The following ADH1B variants were observed in gnomAD, a reference collection of about 807,000 sequenced individuals.
ADH1B encodes the protein alcohol dehydrogenase 1B (class I), beta polypeptide, also known as all-trans-retinol dehydrogenase [NAD(+)] ADH1B.
In ADH1B, 29 loss-of-function variants were observed where a neutral mutation model predicts 34.6. The observed-to-expected ratio is 0.84, with a 90% CI of 0.62 to 1.14. The LOEUF (loss-of-function observed/expected upper bound fraction) is 1.14. Among genes scored for constraint, ADH1B ranks in the 50% most tolerant of loss-of-function variants. The pLI is 0.00. For synonymous variants in ADH1B, 170 were observed against 175.5 expected (o/e 0.97, Z 0.25); for missense variants, 424 against 468.4 (o/e 0.91, Z 0.87).
rs1204142002 is a variant in ADH1B at position 99,306,752 on chromosome 4, A to C, written c.*1088T>G. 6.6e-6 allele frequency: 1 copy of C among 152,236 alleles called. No individual in the cohort carries two copies. Among genetic ancestry groups the C allele is most frequent in the Non-Finnish European group, 1.5e-5 (1 of 68,034 alleles). 9.4% of individuals were successfully genotyped at this position (152,236 alleles called of 1,614,324 possible). A position where few individuals can be genotyped will look rare whatever the true frequency, so the allele number is the denominator to read the frequency against. The stretch of plus-strand genomic sequence containing the variant: ...CTTTACATATTCAAAATATTAAACT[A>C]ATGCTAGGATTATAGACTTGATTTT... On this transcript the variant is annotated 3_prime_UTR_variant, in exon 9 of 9. Transcript: ENST00000305046.
chr4:99,318,671 C>G, intron 2 of ADH1B, 114 bp downstream of exon 2: 1 of 999,470 alleles, frequency 1.0e-6, no homozygotes, highest in Non-Finnish European at 1.4e-6. Context: ...GTAATTTTAT[C>G]TTCTGGGTGA....
chr4:99,306,725 G>T lies in ADH1B; in HGVS notation c.*1115C>A, dbSNP rs889776633. ...AAGCATTAACAAAGCATTAACACAG[G>T]TCTTTACATATTCAAAATATTAAAC... On this transcript the variant is annotated 3_prime_UTR_variant, in exon 9 of 9. Coordinates refer to ENST00000305046, the MANE Select transcript of ADH1B (RefSeq NM_000668.6). 4 of 152,178 alleles carry T rather than the reference G, an allele frequency of 2.6e-5. No individual in the cohort carries two copies. The highest frequency in any genetic ancestry group is 2.1e-4 in the South Asian group (1 of 4,824). The allele number at this position is 152,178 out of a possible 1,614,324, so 9.4% of individuals were successfully genotyped here.
chr4:99,312,285 C>T (rs1312143909), intron 6 of ADH1B, among the ~76,000 whole-genome samples: 1 of 152,188 alleles, frequency 6.6e-6, no homozygotes, highest in African/African-American at 2.4e-5. Flanking sequence ...CTGTCAGACA[C>T]TTGGTATCTT....
intron 5 of ADH1B, chr4:99,314,555 GAA>G (rs1189767009): frequency 1.2e-5 from 2 of 162,406 alleles, no homozygotes; most frequent in African/African-American, 2.4e-5. Context: ...AAAATAAGTG[GAA>G]AAGGCTACTC....
At chr4:99,312,041 C>T (rs746194075) in intron 6 of ADH1B, among the ~76,000 whole-genome samples, 8 of 152,174 alleles carry the variant, frequency 5.3e-5, no homozygotes, top group African/African-American at 9.7e-5. Context: ...ATTTCTCAAA[C>T]GGACATGTTT....
At chr4:99,311,736 G>T (rs1278425024) in intron 6 of ADH1B, 80 bp from the exon 7 acceptor site, 4 of 1,553,962 alleles carry the variant, frequency 2.6e-6, no homozygotes, top group East Asian at 2.2e-5. Flanking sequence ...CATGTAATAG[G>T]CTTAACTGGA....
chr4:99,315,728 A>T (rs1733864276), intron 5 of ADH1B, 170 bp downstream of exon 5: 9 of 761,658 alleles, frequency 1.2e-5, no homozygotes, highest in Non-Finnish European at 1.9e-5. Context: ...TCTGCAATAA[A>T]TTGGTGAAAT....
At position 99,313,809 on chromosome 4, in the gene ADH1B, C is replaced by G. The variant is rs770886223; in HGVS notation, c.828+12G>C. 1.2e-6 allele frequency: 2 copies of G among 1,613,942 alleles called. No individual in the cohort carries two copies. The highest frequency in any genetic ancestry group is 4.5e-5 in the East Asian group (2 of 44,898). ...CAGAGGCAGAAATCTCAGGGCATGTCATGGTACATACCATGGTGTCAAGCC... is the reference window on the plus strand; with the variant it reads ...CAGAGGCAGAAATCTCAGGGCATGTGATGGTACATACCATGGTGTCAAGCC... On this transcript the variant is annotated intron_variant, in intron 6 of 8. Transcript: ENST00000305046.
At chr4:99,312,519 G>A (rs1466694315) in intron 6 of ADH1B, among the ~76,000 whole-genome samples, 1 of 152,190 alleles carries the variant, frequency 6.6e-6, no homozygotes, top group Non-Finnish European at 1.5e-5. Flanking sequence ...ATGGAAACTT[G>A]TTGGTTTCTG....
intron 6 of ADH1B, among the ~76,000 whole-genome samples, chr4:99,313,140 C>T (rs1733792940): frequency 6.6e-6 from 1 of 151,880 alleles, no homozygotes; most frequent in African/African-American, 2.4e-5. Context: ...GATTCTCTTG[C>T]CTCAGCCTCC....
intron 1 of ADH1B, chr4:99,320,713 G>T (rs1734003267): frequency 1.2e-6 from 1 of 846,172 alleles, no homozygotes. Flanking sequence ...CTGTTCCATA[G>T]GATTTTTGTG....
intron 2 of ADH1B, 101 bp downstream of exon 2, chr4:99,318,684 A>G: frequency 9.3e-7 from 1 of 1,075,680 alleles, no homozygotes. Context: ...CTGGGTGATC[A>G]TATAAGATAT....
At position 99,318,159 on chromosome 4, in the gene ADH1B, G is replaced by T. The variant is rs1277217818; in HGVS notation, c.146C>A (p.Thr49Lys). The change falls in exon 3 of 9, where the codon ACA becomes AAA. Residue 49 changes from threonine (T) to lysine (K), a missense_variant. Coordinates refer to ENST00000305046, the MANE Select transcript of ADH1B (RefSeq NM_000668.6). ...IKMVAVGICH[T>K]DDHVVSGNLV... The stretch of plus-strand genomic sequence containing the variant: ...GTTGCCACTAACCACGTGGTCATCT[G>T]TGTGACAGATTCCTACAGCCACCAT... 5 of 1,614,118 alleles carry T rather than the reference G, an allele frequency of 3.1e-6. No homozygotes were observed. Among genetic ancestry groups the T allele is most frequent in the Non-Finnish European group, 4.2e-6 (5 of 1,180,010 alleles).
chr4:99,310,474 G>C (rs1560526387), intron 8 of ADH1B: 6 of 362,394 alleles, frequency 1.7e-5, no homozygotes, highest in Non-Finnish European at 3.1e-5. Flanking sequence ...TTTTTTTGTG[G>C]GGTTTTTTTT....
chr4:99,311,483 G>A, intron 7 of ADH1B, 38 bp downstream of exon 7: 2 of 1,605,334 alleles, frequency 1.2e-6, no homozygotes, highest in Non-Finnish European at 1.7e-6. Flanking sequence ...GATATATTGA[G>A]ATTAATGAGA....
chr4:99,307,903 A>G (rs371304043), intron 8 of ADH1B, 39 bp from the exon 9 acceptor site: 33 of 1,613,558 alleles, frequency 2.0e-5, no homozygotes, highest in Non-Finnish European at 2.7e-5. Flanking sequence ...TAACATTTAG[A>G]CAACCCACAT....
Position 99,305,577 on chromosome 4 carries a change from A to G in ADH1B, c.*2263T>C, listed in dbSNP as rs1325717685. The G allele has an allele frequency of 7.6e-3, 586 of 77,534 alleles. 41 individuals carry two copies. Among genetic ancestry groups the G allele is most frequent in the African/African-American group, 0.024 (518 of 21,258 alleles). The allele number at this position is 77,534 out of a possible 1,614,324, so 4.8% of individuals were successfully genotyped here. A position where few individuals can be genotyped will look rare whatever the true frequency, so the allele number is the denominator to read the frequency against. On this transcript the variant is annotated 3_prime_UTR_variant, in exon 9 of 9. Coordinates refer to ENST00000305046, the MANE Select transcript of ADH1B (RefSeq NM_000668.6). ...CCCCATAGTGTATATATATATATAT[A>G]TATATATATATATATATATATATAT... is the stretch of plus-strand genomic sequence containing the variant.
At chr4:99,311,450 T>G in intron 7 of ADH1B, 71 bp downstream of exon 7, 4 of 1,512,984 alleles carry the variant, frequency 2.6e-6, no homozygotes, top group Non-Finnish European at 3.6e-6. Flanking sequence ...GCATATATAT[T>G]GAGATTATAT....
chr4:99,313,742 A>C lies in ADH1B; in HGVS notation c.828+79T>G, dbSNP rs1733807203. On this transcript the variant is annotated intron_variant, in intron 6 of 8. Coordinates refer to ENST00000305046, the MANE Select transcript of ADH1B (RefSeq NM_000668.6). ...TCATCATTAAAAATATCCTTTATAC[A>C]TAAAACATATATTTTGCTGCCTAAA... The C allele has an allele frequency of 1.9e-6, 3 of 1,610,150 alleles. No individual in the cohort carries two copies. In the East Asian group the frequency reaches 6.7e-5, roughly 36 times the overall value.
Sources: allele counts gnomAD v4.1 joint callset (sites outside exome capture counted in the v4.1 genomes callset), GRCh38; gene constraint gnomAD v4.1.1; transcripts MANE v1.5; gene names NCBI Gene and HGNC (gene_info 2026-07-23, HGNC 2026-07-21).